Variants in RANBP2 observed in about 807,000 individuals in gnomAD.
RANBP2 encodes E3 SUMO-protein ligase RanBP2.
RANBP2 carries 57 observed loss-of-function variants against 303.6 expected under a neutral mutation model. The observed-to-expected ratio is 0.19, with a 90% CI of 0.15 to 0.23. The LOEUF is 0.23. RANBP2 is among the 10% of genes least tolerant of loss of function. The pLI is 1.00. For missense variants in RANBP2, 3,138 were observed against 3,780.8 expected (o/e 0.83, Z 4.46); for synonymous variants, 1,167 against 1,301.5 (o/e 0.90, Z 2.23).
chr2:109,650,277 G>A, the RANBP2 span, among the ~76,000 whole-genome samples: 3 of 152,202 alleles, frequency 2.0e-5, no homozygotes, highest in Non-Finnish European at 4.4e-5. Context: ...AGCTGACAGA[G>A]CAAACAACGG....
chr2:109,588,518 G>C, the RANBP2 span, among the ~76,000 whole-genome samples: 1 of 151,992 alleles, frequency 6.6e-6, no homozygotes, highest in Non-Finnish European at 1.5e-5. Context: ...TTTTAAGATG[G>C]AGTTTTGCTC....
chr2:109,643,224 G>A, the RANBP2 span, among the ~76,000 whole-genome samples: 16 of 151,812 alleles, frequency 1.1e-4, no homozygotes, highest in Non-Finnish European at 2.2e-4. Flanking sequence ...TCCCAACTTG[G>A]CTAGAAAAGC....
At chr2:108,742,037 C>T (rs1696146992) in intron 7 of RANBP2, among the ~76,000 whole-genome samples, 1 of 151,866 alleles carries the variant, frequency 6.6e-6, no homozygotes, top group Admixed American at 6.6e-5. Context: ...GCTCTTGTTG[C>T]CCAGGCTGGA....
the RANBP2 span, among the ~76,000 whole-genome samples, chr2:109,661,199 CA>C: frequency 6.6e-6 from 1 of 151,510 alleles, no homozygotes. Context: ...CCTGTCAATG[CA>C]GACTAACGGA....
At chr2:109,098,144 G>C in the RANBP2 span, among the ~76,000 whole-genome samples, 1 of 152,182 alleles carries the variant, frequency 6.6e-6, no homozygotes, top group Non-Finnish European at 1.5e-5. Flanking sequence ...GAAGGAGGTG[G>C]AGAGAGCCTG....
At chr2:108,961,604 A>G in the RANBP2 span, among the ~76,000 whole-genome samples, 1 of 152,230 alleles carries the variant, frequency 6.6e-6, no homozygotes, top group Non-Finnish European at 1.5e-5. Flanking sequence ...ACATTAAAAA[A>G]GCACTCACTG....
chr2:108,920,717 A>AT, the RANBP2 span, among the ~76,000 whole-genome samples: 87 of 152,330 alleles, frequency 5.7e-4, no homozygotes, highest in African/African-American at 2.0e-3. Context: ...ATTTTATTCC[A>AT]TTTTAAAGGA....
At chr2:108,749,542 C>G (rs1675681833) in intron 9 of RANBP2, among the ~76,000 whole-genome samples, 1 of 151,974 alleles carries the variant, frequency 6.6e-6, no homozygotes, top group South Asian at 2.1e-4. Context: ...AGGTGATCCA[C>G]CTGCCTTGGC....
chr2:109,175,047 G>A, the RANBP2 span, among the ~76,000 whole-genome samples: 3 of 152,022 alleles, frequency 2.0e-5, no homozygotes, highest in Non-Finnish European at 2.9e-5. Flanking sequence ...TATTTGAGTC[G>A]CACAGCAAAA....
the RANBP2 span, among the ~76,000 whole-genome samples, chr2:109,249,883 AC>A: frequency 6.6e-6 from 1 of 150,488 alleles, no homozygotes. Context: ...ACGGGGTTTC[AC>A]TGTGTTAGCC....
At chr2:109,349,532 G>A in the RANBP2 span, among the ~76,000 whole-genome samples, 37 of 152,242 alleles carry the variant, frequency 2.4e-4, no homozygotes, top group Admixed American at 8.5e-4. Flanking sequence ...GGGACCACTG[G>A]TGCCCCAGGT....
chr2:109,472,655 ATAAT>A, the RANBP2 span, among the ~76,000 whole-genome samples: 1 of 152,180 alleles, frequency 6.6e-6, no homozygotes, highest in African/African-American at 2.4e-5. Context: ...ACCTGACTAA[ATAAT>A]AGTGTGTTTA....
At chr2:109,588,178 GACA>G in the RANBP2 span, among the ~76,000 whole-genome samples, 1 of 150,788 alleles carries the variant, frequency 6.6e-6, no homozygotes, top group Non-Finnish European at 1.5e-5. Flanking sequence ...GCAAAATGAA[GACA>G]ACTTCAGATA....
the RANBP2 span, chr2:109,544,399 G>A: frequency 6.6e-7 from 1 of 1,521,306 alleles, no homozygotes; most frequent in Non-Finnish European, 8.7e-7. Flanking sequence ...CATGCATCTA[G>A]TATATTATAG....
the RANBP2 span, chr2:109,544,459 C>A: frequency 2.2e-6 from 3 of 1,384,340 alleles, no homozygotes; most frequent in Non-Finnish European, 2.8e-6. Flanking sequence ...CCAAAAACAC[C>A]AAACCATATT....
chr2:109,645,796 A>G, the RANBP2 span, among the ~76,000 whole-genome samples: 1 of 152,178 alleles, frequency 6.6e-6, no homozygotes, highest in East Asian at 1.9e-4. Context: ...ACATAGATGA[A>G]GCTGTGTCTA....
At chr2:109,751,674 GAAACAACA>G in the RANBP2 span, among the ~76,000 whole-genome samples, 15 of 8,736 alleles carry the variant, frequency 1.7e-3, no homozygotes, top group East Asian at 6.1e-3. Context: ...AGATGAGAGT[GAAACAACA>G]GGAACTGAGC....
chr2:109,693,240 C>T, the RANBP2 span, among the ~76,000 whole-genome samples: 6 of 152,030 alleles, frequency 3.9e-5, no homozygotes, highest in East Asian at 1.9e-4. Context: ...TGCAGTGGCA[C>T]GATCTCAGTT....
At chr2:108,807,336 T>TA in the RANBP2 span, among the ~76,000 whole-genome samples, 1 of 152,176 alleles carries the variant, frequency 6.6e-6, no homozygotes, top group Admixed American at 6.5e-5. Context: ...AACTAAAAAA[T>TA]ACATCAATTG....
Sources: allele counts gnomAD v4.1 joint callset (sites outside exome capture counted in the v4.1 genomes callset), GRCh38; gene constraint gnomAD v4.1.1; transcripts MANE v1.5; gene names NCBI Gene and HGNC (gene_info 2026-07-23, HGNC 2026-07-21).